Variants in ADAMTSL3 observed in about 807,000 individuals in gnomAD.
ADAMTSL3 encodes the protein ADAMTS like 3, also known as ADAMTS-like protein 3.
In ADAMTSL3, 128 loss-of-function variants were observed where a neutral mutation model predicts 201.7. That is an observed-to-expected ratio of 0.63 (90% CI 0.55 to 0.73). The LOEUF (loss-of-function observed/expected upper bound fraction) is 0.73, where lower values mean the gene tolerates loss of function less well. Among genes scored for constraint, ADAMTSL3 ranks in the 30% least tolerant of loss-of-function variants. ADAMTSL3 has a pLI of 0.00. For missense variants in ADAMTSL3, 1,990 were observed against 2,119.6 expected, an observed-to-expected ratio of 0.94 and a Z score of 1.20; for synonymous variants, 738 against 748.4, an observed-to-expected ratio of 0.99 and a Z score of 0.23.
intron 19 of ADAMTSL3, among the ~76,000 whole-genome samples, chr15:83,965,153 A>G (rs1352188786): frequency 6.6e-6 from 1 of 152,212 alleles, no homozygotes; most frequent in African/African-American, 2.4e-5. Flanking sequence ...TCATGACAGG[A>G]TTAAATTCAC....
At chr15:83,783,930 T>G (rs1456394815) in intron 4 of ADAMTSL3, among the ~76,000 whole-genome samples, 1 of 151,914 alleles carries the variant, frequency 6.6e-6, no homozygotes, top group Non-Finnish European at 1.5e-5. Context: ...ATCAAGTCCC[T>G]TGCAAATTCA....
intron 4 of ADAMTSL3, among the ~76,000 whole-genome samples, chr15:83,795,266 A>G (rs147463091): frequency 0.064 from 2,645 of 41,060 alleles, 75 homozygotes; most frequent in African/African-American, 0.36. Flanking sequence ...AGCAGCAGCA[A>G]CAACAACAAC....
At chr15:83,896,683 C>T (rs2141905422) in intron 13 of ADAMTSL3, among the ~76,000 whole-genome samples, 1 of 151,990 alleles carries the variant, frequency 6.6e-6, no homozygotes, top group South Asian at 2.1e-4. Context: ...ATATGGTCCT[C>T]AAAAAATATA....
At chr15:83,898,680 A>G (rs937323403) in intron 14 of ADAMTSL3, among the ~76,000 whole-genome samples, 11 of 152,290 alleles carry the variant, frequency 7.2e-5, no homozygotes, top group South Asian at 2.1e-4. Flanking sequence ...CTCTGTACAT[A>G]ATTATTTCCA....
intron 3 of ADAMTSL3, among the ~76,000 whole-genome samples, chr15:83,717,275 C>A (rs988294211): frequency 1.3e-5 from 2 of 152,128 alleles, no homozygotes; most frequent in Non-Finnish European, 2.9e-5. Context: ...CAAAGTAATT[C>A]CTGCAATTTC....
intron 7 of ADAMTSL3, among the ~76,000 whole-genome samples, chr15:83,843,410 A>C (rs2064425145): frequency 6.6e-6 from 1 of 152,292 alleles, no homozygotes; most frequent in East Asian, 1.9e-4. Flanking sequence ...AAGGTAGCAA[A>C]GATTCCTGCC....
rs1311526074 is a variant in ADAMTSL3 at position 83,994,594 on chromosome 15, T to G, written c.3973+3380T>G. Among the ~76,000 whole-genome samples the G allele has an allele frequency of 1.7e-3, 159 of 93,546 alleles. 1 individual carries two copies. The highest frequency in any genetic ancestry group is 5.4e-3 in the African/African-American group (120 of 22,078). 61.4% of individuals were successfully genotyped at this position (93,546 alleles called of 152,430 possible). A position where few individuals can be genotyped will look rare whatever the true frequency, so the allele number is the denominator to read the frequency against. ...TGTTTTTTTGTTTTTTCGTTTTTTT[T>G]TTTTTTTTTTTTTTTTTTTTGACAC... On this transcript the variant is annotated intron_variant, in intron 23 of 29. Coordinates refer to ENST00000286744, the MANE Select transcript of ADAMTSL3 (RefSeq NM_207517.3).
In ADAMTSL3 at chr15:83,775,198, T is replaced by C. The variant is rs540909647; in HGVS notation, c.317+1548T>C. On this transcript the variant is annotated intron_variant, in intron 4 of 29. Coordinates refer to ENST00000286744, the MANE Select transcript of ADAMTSL3 (RefSeq NM_207517.3). Reference sequence around the variant, plus strand: ...TCTTTCCCACTGCTGGCCAGCCACATGGGGGAGAAGTTTCCAGCCTGGGAA... The same window carrying C: ...TCTTTCCCACTGCTGGCCAGCCACACGGGGGAGAAGTTTCCAGCCTGGGAA... 1.3e-4 allele frequency among the ~76,000 whole-genome samples: 20 copies of C among 152,224 alleles called. No individual in the cohort carries two copies. In the East Asian group the frequency reaches 3.9e-3, roughly 29 times the overall value.
intron 23 of ADAMTSL3, among the ~76,000 whole-genome samples, chr15:84,002,936 CTT>C (rs368176543): frequency 2.8e-4 from 28 of 99,980 alleles, no homozygotes; most frequent in African/African-American, 4.8e-4. Context: ...CTTTTCTTTT[CTT>C]TTTTTTTTTT....
At chr15:83,715,504 T>G (rs1254978120) in intron 3 of ADAMTSL3, among the ~76,000 whole-genome samples, 1 of 152,174 alleles carries the variant, frequency 6.6e-6, no homozygotes, top group Non-Finnish European at 1.5e-5. Flanking sequence ...TCTTATTAAG[T>G]CCTTCTCCTC....
chr15:83,833,728 T>C (rs2064205606), intron 6 of ADAMTSL3, among the ~76,000 whole-genome samples: 1 of 152,192 alleles, frequency 6.6e-6, no homozygotes, highest in African/African-American at 2.4e-5. Flanking sequence ...CATGCTTAGA[T>C]GGCTTAGTAC....
At chr15:83,687,633 T>C (rs1481617823) in intron 2 of ADAMTSL3, among the ~76,000 whole-genome samples, 2 of 152,102 alleles carry the variant, frequency 1.3e-5, no homozygotes, top group Non-Finnish European at 2.9e-5. Context: ...GCCTACAGCT[T>C]CCCCCTCCCC....
At chr15:83,842,403 A>C (rs1004516410) in intron 7 of ADAMTSL3, among the ~76,000 whole-genome samples, 3 of 152,044 alleles carry the variant, frequency 2.0e-5, no homozygotes, top group African/African-American at 4.8e-5. Context: ...GTAAACATTC[A>C]ACTCTAGACG....
intron 19 of ADAMTSL3, among the ~76,000 whole-genome samples, chr15:83,943,598 C>A (rs1052311996): frequency 2.0e-5 from 3 of 152,222 alleles, no homozygotes; most frequent in African/African-American, 7.2e-5. Context: ...TTGACCCAGT[C>A]TAGTAATGAA....
intron 7 of ADAMTSL3, among the ~76,000 whole-genome samples, chr15:83,840,399 A>C (rs536031877): frequency 6.6e-6 from 1 of 152,354 alleles, no homozygotes; most frequent in East Asian, 1.9e-4. Context: ...TCAAAGCTTC[A>C]TTGCAATGGA....
chr15:83,715,955 C>G (rs1477648825), intron 3 of ADAMTSL3, among the ~76,000 whole-genome samples: 1 of 152,190 alleles, frequency 6.6e-6, no homozygotes, highest in Non-Finnish European at 1.5e-5. Flanking sequence ...CAGTGAAGTC[C>G]TCAGCCTAAC....
At chr15:83,941,919 C>A (rs779199726) in intron 17 of ADAMTSL3, among the ~76,000 whole-genome samples, 6 of 152,162 alleles carry the variant, frequency 3.9e-5, no homozygotes, top group Non-Finnish European at 8.8e-5. Context: ...TGGGCAGAGA[C>A]TTTTCTCAAT....
intron 7 of ADAMTSL3, among the ~76,000 whole-genome samples, chr15:83,843,071 AG>A (rs2064415521): frequency 6.6e-6 from 1 of 152,138 alleles, no homozygotes; most frequent in Non-Finnish European, 1.5e-5. Flanking sequence ...CTTGATTTTC[AG>A]CTTTTGGATT....
At chr15:83,838,048 C>T (rs745510868) in intron 6 of ADAMTSL3, 41 bp from the exon 7 acceptor site, 2 of 1,584,502 alleles carry the variant, frequency 1.3e-6, no homozygotes, top group South Asian at 2.4e-5. Context: ...TCCCCCTCCC[C>T]TGGCTTTGGG....
Sources: allele counts gnomAD v4.1 joint callset (sites outside exome capture counted in the v4.1 genomes callset), GRCh38; gene constraint gnomAD v4.1.1; transcripts MANE v1.5; gene names NCBI Gene and HGNC (gene_info 2026-07-23, HGNC 2026-07-21).